Variants in MAP2K5 observed in about 807,000 individuals in gnomAD.
MAP2K5 encodes the protein mitogen-activated protein kinase kinase 5.
In MAP2K5, 49 loss-of-function variants were observed where a neutral mutation model predicts 83.1. The observed-to-expected ratio is 0.59, with a 90% confidence interval of 0.47 to 0.75. The LOEUF (loss-of-function observed/expected upper bound fraction) is 0.75. Among genes scored for constraint, MAP2K5 ranks in the 30% least tolerant of loss-of-function variants. The pLI, the probability that MAP2K5 is intolerant of heterozygous loss-of-function variation, is 0.00. For synonymous variants in MAP2K5, 202 were observed against 191.8 expected (o/e 1.05, Z -0.44); for missense variants, 457 against 557.5 (o/e 0.82, Z 1.82).
At chr15:67,564,319 A>G (rs766470942) in intron 3 of MAP2K5, among the ~76,000 whole-genome samples, 1 of 152,174 alleles carries the variant, frequency 6.6e-6, no homozygotes, top group African/African-American at 2.4e-5. Context: ...TAAAAGTTCT[A>G]TACAAATGCA....
At chr15:67,604,948 C>T (rs889770476) in intron 8 of MAP2K5, among the ~76,000 whole-genome samples, 5 of 151,972 alleles carry the variant, frequency 3.3e-5, no homozygotes, top group African/African-American at 1.2e-4. Flanking sequence ...AAAGGCTTAG[C>T]GCTATGACTG....
chr15:67,643,490 A>G (rs1458235299), intron 9 of MAP2K5, among the ~76,000 whole-genome samples: 2 of 152,136 alleles, frequency 1.3e-5, no homozygotes, highest in African/African-American at 4.8e-5. Context: ...TCTGTTGCCC[A>G]GACTGGTGTG....
At chr15:67,700,949 T>C (rs2088401564) in intron 15 of MAP2K5, among the ~76,000 whole-genome samples, 1 of 151,980 alleles carries the variant, frequency 6.6e-6, no homozygotes, top group African/African-American at 2.4e-5. Flanking sequence ...ATTTAATTTT[T>C]CTATGCTTTA....
chr15:67,569,071 C>G (rs529373567), intron 3 of MAP2K5, among the ~76,000 whole-genome samples: 3 of 150,446 alleles, frequency 2.0e-5, no homozygotes, highest in African/African-American at 7.3e-5. Flanking sequence ...AAAGTTTTGT[C>G]CTTACCTACA....
At chr15:67,557,969 G>A (rs949987140) in intron 2 of MAP2K5, among the ~76,000 whole-genome samples, 1 of 152,158 alleles carries the variant, frequency 6.6e-6, no homozygotes, top group East Asian at 1.9e-4. Flanking sequence ...ACATGTAAGA[G>A]TTAATTATGC....
chr15:67,715,063 T>C (rs532603971), intron 16 of MAP2K5, among the ~76,000 whole-genome samples: 8 of 152,130 alleles, frequency 5.3e-5, no homozygotes, highest in Non-Finnish European at 8.8e-5. Context: ...GAAGATTTTA[T>C]AGGAAAGTGG....
chr15:67,646,862 A>G (rs763513818), intron 11 of MAP2K5, among the ~76,000 whole-genome samples: 7 of 152,240 alleles, frequency 4.6e-5, no homozygotes, highest in Non-Finnish European at 1.0e-4. Context: ...TCTTTCAGAA[A>G]GAAATCGGTT....
At chr15:67,766,737 C>G (rs1217072334) in intron 19 of MAP2K5, among the ~76,000 whole-genome samples, 4 of 152,184 alleles carry the variant, frequency 2.6e-5, no homozygotes, top group Non-Finnish European at 5.9e-5. Flanking sequence ...AGTGTACTGT[C>G]AAGTCCTGCA....
In MAP2K5 at chr15:67,780,041, C is replaced by T. The variant is rs74845260; in HGVS notation, c.1242+7289C>T. 0.02 allele frequency among the ~76,000 whole-genome samples: 2,978 copies of T among 152,272 alleles called. 110 individuals carry two copies. The highest frequency in any genetic ancestry group is 0.068 in the African/African-American group (2,823 of 41,556). On this transcript the variant is annotated intron_variant, in intron 21 of 21. Transcript: ENST00000178640. The surrounding 1 kb of genome is among the most constrained non-coding windows in gnomAD (Gnocchi z 5.0). ...CTCCCTGCGGCTTTTCCCTACTCTT[C>T]GACTTTACAGTTGCTTGCTTCCTTC...
intron 13 of MAP2K5, among the ~76,000 whole-genome samples, chr15:67,687,853 A>G (rs2087994745): frequency 6.6e-6 from 1 of 152,104 alleles, no homozygotes; most frequent in Admixed American, 6.6e-5. Flanking sequence ...CAGACCAAGT[A>G]TGCATTCATG....
Position 67,748,328 on chromosome 15 carries a change from A to T in MAP2K5, c.1101+71A>T. On this transcript the variant is annotated intron_variant, in intron 18 of 21. Coordinates refer to ENST00000178640, the MANE Select transcript of MAP2K5 (RefSeq NM_145160.3). The surrounding 1 kb of genome is among the most constrained non-coding windows in gnomAD (Gnocchi z 4.0). The stretch of plus-strand genomic sequence containing the variant: ...ATGGCTGCTTCCTTTGCATGCTTGA[A>T]TGCCTTGTTTTAAACTTAGCAAATT... 4 of 1,323,756 alleles carry T rather than the reference A, an allele frequency of 3.0e-6. No individual in the cohort carries two copies. The highest frequency in any genetic ancestry group is 4.3e-6 in the Non-Finnish European group (4 of 920,606). 82.0% of individuals were successfully genotyped at this position (1,323,756 alleles called of 1,614,324 possible). A position where few individuals can be genotyped will look rare whatever the true frequency, so the allele number is the denominator to read the frequency against.
At position 67,652,292 on chromosome 15, in the gene MAP2K5, G is replaced by T. The variant is rs996814715; in HGVS notation, c.736+5823G>T. On this transcript the variant is annotated intron_variant, in intron 11 of 21. Transcript: ENST00000178640. This position sits in a 1 kb window ranked among gnomAD's most constrained non-coding sequence, Gnocchi z 4.2. Reference sequence around the variant, plus strand: ...TTTAACCTTATTAGCCATGATATTAGTCCATCTTGTGTTGCTATAAAGGAA... The same window carrying T: ...TTTAACCTTATTAGCCATGATATTATTCCATCTTGTGTTGCTATAAAGGAA... Among the ~76,000 whole-genome samples the T allele has an allele frequency of 2.0e-5, 3 of 152,066 alleles. No individual in the cohort carries two copies. Among genetic ancestry groups the T allele is most frequent in the Non-Finnish European group, 4.4e-5 (3 of 68,004 alleles).
chr15:67,787,530 G>A (rs938373774), intron 21 of MAP2K5, among the ~76,000 whole-genome samples: 2 of 152,092 alleles, frequency 1.3e-5, no homozygotes, highest in East Asian at 1.9e-4. Context: ...CTTCTAATGA[G>A]GTTATGACCA....
At chr15:67,621,819 G>A (rs2086193022) in intron 8 of MAP2K5, among the ~76,000 whole-genome samples, 1 of 152,196 alleles carries the variant, frequency 6.6e-6, no homozygotes, top group African/African-American at 2.4e-5. Flanking sequence ...TGTTTTCATG[G>A]AGCTTCCTTT....
intron 21 of MAP2K5, among the ~76,000 whole-genome samples, chr15:67,797,291 T>G (rs2090621425): frequency 6.6e-6 from 1 of 152,248 alleles, no homozygotes; most frequent in Non-Finnish European, 1.5e-5. Flanking sequence ...GCTTGCCAGT[T>G]ACTCCTCATT....
chr15:67,693,429 A>G (rs2088165800), intron 14 of MAP2K5, 89 bp from the exon 15 acceptor site: 1 of 994,844 alleles, frequency 1.0e-6, no homozygotes, highest in South Asian at 1.4e-5. Context: ...ATTTATATGA[A>G]TGATGATTGT....
In MAP2K5 at chr15:67,806,704, T is replaced by C. The variant is rs2090816897; in HGVS notation, c.1301T>C (p.Val434Ala). ...AATGCCGCCGTGGTGTCCATGTGGG[T>C]GTGCCGGGCGCTGGAGGAGAGGCGG... ...DGNAAVVSMW[V>A]CRALEERRSQ... The change falls in exon 22 of 22, where the codon GTG (valine) becomes GCG (alanine). Residue 434 changes from valine to alanine, a missense_variant. By Grantham distance (64) the Val-to-Ala change is moderately conservative. Coordinates refer to ENST00000178640, the MANE Select transcript of MAP2K5 (RefSeq NM_145160.3). The C allele has an allele frequency of 6.4e-7, 1 of 1,551,960 alleles. No individual in the cohort carries two copies. Among genetic ancestry groups the C allele is most frequent in the Admixed American group, 2.0e-5 (1 of 51,206 alleles).
intron 13 of MAP2K5, among the ~76,000 whole-genome samples, chr15:67,670,790 T>A (rs1319826402): frequency 6.6e-6 from 1 of 150,684 alleles, no homozygotes; most frequent in African/African-American, 2.5e-5. Context: ...AGAGACAGGG[T>A]CAGGGAAGGA....
chr15:67,697,097 C>G (rs2088283821), intron 15 of MAP2K5, among the ~76,000 whole-genome samples: 1 of 152,152 alleles, frequency 6.6e-6, no homozygotes, highest in African/African-American at 2.4e-5. Flanking sequence ...AGCAAATACT[C>G]AGAAATAGAA....
Sources: gnomAD v4.1 joint callset for allele counts (sites outside exome capture counted in the v4.1 genomes callset) on GRCh38, gnomAD v4.1.1 for gene constraint, Gnocchi (gnomAD v3.1) non-coding constraint, MANE v1.5 for transcripts, NCBI Gene and HGNC (gene_info 2026-07-23, HGNC 2026-07-21) for gene names.